Variants in KLHL1 observed in about 807,000 individuals in gnomAD.
The protein encoded by KLHL1 is kelch-like protein 1.
Under a neutral mutation model 77.7 loss-of-function variants are expected in KLHL1, and 47 were observed. The ratio of observed to expected loss-of-function variants is 0.60; its 90% confidence interval spans 0.48 to 0.77. The LOEUF (loss-of-function observed/expected upper bound fraction) is 0.77. Ranked by LOEUF, KLHL1 falls within the 30% of genes least tolerant of loss-of-function variation. The pLI is 0.00. For synonymous variants in KLHL1, 360 were observed against 325.2 expected (o/e 1.11, Z -1.15); for missense variants, 925 against 910.8 (o/e 1.02, Z -0.20).
intron 1 of KLHL1, among the ~76,000 whole-genome samples, chr13:69,985,582 G>A (rs920911595): frequency 2.0e-5 from 3 of 151,324 alleles, no homozygotes; most frequent in Non-Finnish European, 4.4e-5. Context: ...CCAGTATGGA[G>A]ACTCTTAAGA....
At chr13:69,777,209 C>T (rs1295763389) in intron 7 of KLHL1, among the ~76,000 whole-genome samples, 2 of 152,068 alleles carry the variant, frequency 1.3e-5, no homozygotes, top group East Asian at 1.9e-4. Flanking sequence ...GACTCTGAAC[C>T]TCCCCAGCCA....
intron 5 of KLHL1, among the ~76,000 whole-genome samples, chr13:69,864,642 A>C (rs886305574): frequency 6.6e-6 from 1 of 152,162 alleles, no homozygotes; most frequent in African/African-American, 2.4e-5. Context: ...AAGACTACTA[A>C]TAAAGTTCAG....
chr13:69,971,283 C>T (rs1452371147), intron 2 of KLHL1, among the ~76,000 whole-genome samples: 3 of 152,016 alleles, frequency 2.0e-5, no homozygotes, highest in Admixed American at 6.6e-5. Flanking sequence ...ATAATCAATG[C>T]AGTGAGTGTT....
At chr13:69,726,900 T>C (rs916499953) in intron 8 of KLHL1, among the ~76,000 whole-genome samples, 4 of 152,088 alleles carry the variant, frequency 2.6e-5, no homozygotes, top group African/African-American at 9.7e-5. Flanking sequence ...GACCAGTACA[T>C]GTTTGTGAAA....
At chr13:69,967,883 A>G (rs564843462) in intron 2 of KLHL1, among the ~76,000 whole-genome samples, 197 of 85,914 alleles carry the variant, frequency 2.3e-3, no homozygotes, top group South Asian at 5.5e-3. Context: ...AAGATGCTGA[A>G]TCAAAAAAAA....
intron 9 of KLHL1, among the ~76,000 whole-genome samples, chr13:69,712,492 A>C (rs1054896156): frequency 2.0e-5 from 3 of 151,976 alleles, no homozygotes; most frequent in Non-Finnish European, 2.9e-5. Flanking sequence ...AAGATTCTTT[A>C]TATGTGTGAT....
intron 3 of KLHL1, among the ~76,000 whole-genome samples, chr13:69,943,246 T>TC (rs5804456): frequency 0.13 from 19,439 of 151,968 alleles, 1,937 homozygotes; most frequent in East Asian, 0.29. Flanking sequence ...TTCATTTAAT[T>TC]TTTTTATAAT....
intron 6 of KLHL1, among the ~76,000 whole-genome samples, chr13:69,827,600 C>T (rs1020828528): frequency 1.3e-5 from 2 of 151,666 alleles, no homozygotes; most frequent in South Asian, 4.2e-4. Context: ...TGTGGTGGTG[C>T]ATGGCTGTAA....
At chr13:69,740,578 T>G in intron 7 of KLHL1, 22 bp from the exon 8 acceptor site, 1 of 1,568,028 alleles carries the variant, frequency 6.4e-7, no homozygotes, top group Non-Finnish European at 8.7e-7. Flanking sequence ...GATAAATGAA[T>G]GTAGTGCCTA....
chr13:69,752,966 T>C (rs1158886668), intron 7 of KLHL1, among the ~76,000 whole-genome samples: 1 of 152,186 alleles, frequency 6.6e-6, no homozygotes, highest in Non-Finnish European at 1.5e-5. Flanking sequence ...GTGGAATTAC[T>C]AATGCAGGCC....
intron 3 of KLHL1, among the ~76,000 whole-genome samples, chr13:69,946,705 G>C (rs1000147514): frequency 6.6e-6 from 1 of 151,944 alleles, no homozygotes; most frequent in African/African-American, 2.4e-5. Context: ...TAGCAATTAG[G>C]TGTTGCTATG....
At chr13:69,977,980 C>A (rs1358145473) in intron 1 of KLHL1, among the ~76,000 whole-genome samples, 1 of 152,050 alleles carries the variant, frequency 6.6e-6, no homozygotes, top group Non-Finnish European at 1.5e-5. Context: ...AATATGTTAT[C>A]TTCATCAGAC....
chr13:69,804,529 T>A (rs967639600), intron 6 of KLHL1, among the ~76,000 whole-genome samples: 5 of 152,312 alleles, frequency 3.3e-5, no homozygotes, highest in Non-Finnish European at 2.9e-5. Context: ...CAGAGAGATC[T>A]TTACCTGTTC....
intron 7 of KLHL1, among the ~76,000 whole-genome samples, chr13:69,795,785 T>C (rs536365026): frequency 6.6e-6 from 1 of 152,170 alleles, no homozygotes; most frequent in Admixed American, 6.6e-5. Context: ...TTCTCTCTAG[T>C]TCCTGGTTAC....
Position 70,107,672 on chromosome 13 carries a change from C to G in KLHL1, c.28G>C (p.Asp10His). Reference sequence around the variant, plus strand: ...CGGAGTCGCAGAATGTGCTTCACATCGAAGTCTTTTCGCCCAGAGCCTGAC... The same window carrying G: ...CGGAGTCGCAGAATGTGCTTCACATGGAAGTCTTTTCGCCCAGAGCCTGAC... MSGSGRKDF[D>H]VKHILRLRWK... Residue 10 changes from aspartate to histidine, a missense_variant, in exon 1 of 11, where the codon GAT becomes CAT. Physicochemically the swap from Asp to His is moderately conservative, Grantham distance 81 (BLOSUM62 -1). Transcript: ENST00000377844. 6.5e-7 allele frequency: 1 copy of G among 1,534,418 alleles called. No individual in the cohort carries two copies. Among genetic ancestry groups the G allele is most frequent in the Non-Finnish European group, 8.7e-7 (1 of 1,145,158 alleles).
At chr13:70,033,881 G>C (rs997726891) in intron 1 of KLHL1, among the ~76,000 whole-genome samples, 1 of 151,966 alleles carries the variant, frequency 6.6e-6, no homozygotes, top group African/African-American at 2.4e-5. Flanking sequence ...CCACCTCTGG[G>C]ATTACAGGCG....
chr13:69,914,715 T>C (rs1157357749), intron 4 of KLHL1, among the ~76,000 whole-genome samples: 8 of 152,300 alleles, frequency 5.3e-5, no homozygotes, highest in African/African-American at 1.9e-4. Context: ...TGTAACTCAT[T>C]CAGAATTGTC....
intron 3 of KLHL1, among the ~76,000 whole-genome samples, chr13:69,944,520 GTTAGTC>G (rs999464187): frequency 6.6e-6 from 1 of 152,174 alleles, no homozygotes; most frequent in African/African-American, 2.4e-5. Context: ...TGAACGGGGC[GTTAGTC>G]TTGGGGATCA....
At chr13:69,901,238 T>A (rs1043549169) in intron 4 of KLHL1, among the ~76,000 whole-genome samples, 2 of 152,014 alleles carry the variant, frequency 1.3e-5, no homozygotes, top group Non-Finnish European at 2.9e-5. Flanking sequence ...AGAAAAAAAA[T>A]GAAAAAGAAC....
Sources: gnomAD v4.1 joint callset for allele counts (sites outside exome capture counted in the v4.1 genomes callset) on GRCh38, gnomAD v4.1.1 for gene constraint, MANE v1.5 for transcripts, NCBI Gene and HGNC (gene_info 2026-07-23, HGNC 2026-07-21) for gene names.